Variants in GRIN2B observed in about 807,000 individuals in gnomAD.
The protein encoded by GRIN2B is glutamate receptor ionotropic, NMDA 2B.
In GRIN2B, 5 loss-of-function variants were observed where a neutral mutation model predicts 114.5. The observed-to-expected ratio is 0.04, with a 90% CI of 0.02 to 0.09. GRIN2B has a LOEUF of 0.09. GRIN2B is among the 10% of genes least tolerant of loss of function. The probability of loss-of-function intolerance (pLI) is 1.00; values close to 1 mark genes in which losing one functional copy is unlikely to be tolerated. For missense variants in GRIN2B, 1,108 were observed against 1,943.5 expected (o/e 0.57, Z 8.08); for synonymous variants, 787 against 745.1 (o/e 1.06, Z -0.92).
chr12:13,727,765 C>T (rs1269206940), intron 4 of GRIN2B, among the ~76,000 whole-genome samples: 2 of 152,240 alleles, frequency 1.3e-5, no homozygotes, highest in East Asian at 3.9e-4. Flanking sequence ...AGAGGGAAGG[C>T]TGTGAGTAAA....
intron 4 of GRIN2B, among the ~76,000 whole-genome samples, chr12:13,685,738 G>A (rs1341135646): frequency 6.6e-6 from 1 of 152,144 alleles, no homozygotes; most frequent in Non-Finnish European, 1.5e-5. Flanking sequence ...CTTTCACATA[G>A]GGAACGAAAT....
At chr12:13,850,796 C>T (rs965299739) in intron 3 of GRIN2B, among the ~76,000 whole-genome samples, 1 of 152,188 alleles carries the variant, frequency 6.6e-6, no homozygotes, top group East Asian at 1.9e-4. Context: ...GTGAAGCATA[C>T]TGGTGAAATC....
At chr12:13,946,809 G>T (rs961458917) in intron 2 of GRIN2B, among the ~76,000 whole-genome samples, 2 of 152,124 alleles carry the variant, frequency 1.3e-5, no homozygotes, top group African/African-American at 4.8e-5. Flanking sequence ...ATATAAAAAT[G>T]TATTATTAGG....
intron 2 of GRIN2B, among the ~76,000 whole-genome samples, chr12:13,893,724 A>G (rs1866307177): frequency 6.6e-6 from 1 of 152,134 alleles, no homozygotes; most frequent in Non-Finnish European, 1.5e-5. Flanking sequence ...TCTACTCAAA[A>G]GCACATAACT....
In GRIN2B at chr12:13,558,727, T is replaced by C. The variant is rs1320679771; in HGVS notation, c.*4056A>G. 6.6e-6 allele frequency: 1 copy of C among 152,248 alleles called. No individual in the cohort carries two copies. The highest frequency in any genetic ancestry group is 1.5e-5 in the Non-Finnish European group (1 of 68,052). The allele number at this position is 152,248 out of a possible 1,614,324, so 9.4% of individuals were successfully genotyped here. ...TCAATCACAACATGGCTGTGGCCAG[T>C]GCAGGGAAATACATATGAAGGATGT... On this transcript the variant is annotated 3_prime_UTR_variant, in exon 14 of 14. Transcript: ENST00000609686.
At chr12:13,757,697 A>G (rs1234030620) in intron 3 of GRIN2B, among the ~76,000 whole-genome samples, 1 of 152,178 alleles carries the variant, frequency 6.6e-6, no homozygotes, top group African/African-American at 2.4e-5. Context: ...ATTCCTATAT[A>G]AAGGGCCATC....
intron 3 of GRIN2B, among the ~76,000 whole-genome samples, chr12:13,796,207 G>A (rs1390428195): frequency 1.3e-5 from 2 of 152,082 alleles, no homozygotes; most frequent in Non-Finnish European, 2.9e-5. Context: ...AATGTAGAAG[G>A]TTTTTGGAGA....
At chr12:13,795,752 AT>A (rs1256475069) in intron 3 of GRIN2B, among the ~76,000 whole-genome samples, 1 of 152,244 alleles carries the variant, frequency 6.6e-6, no homozygotes, top group Non-Finnish European at 1.5e-5. Flanking sequence ...CTATGCAGTC[AT>A]AAAAAAGGAT....
intron 4 of GRIN2B, among the ~76,000 whole-genome samples, chr12:13,689,254 T>C (rs1269717394): frequency 6.6e-6 from 1 of 152,136 alleles, no homozygotes; most frequent in Admixed American, 6.6e-5. Flanking sequence ...GTGCCTGAAA[T>C]TGATTGGCTT....
At chr12:13,584,228 C>A (rs936226951) in intron 10 of GRIN2B, among the ~76,000 whole-genome samples, 11 of 152,172 alleles carry the variant, frequency 7.2e-5, no homozygotes, top group African/African-American at 2.4e-4. Flanking sequence ...CTCTTCTCTG[C>A]CCCAAAAGCC....
chr12:13,574,735 A>C (rs542218802), intron 10 of GRIN2B, among the ~76,000 whole-genome samples: 1 of 152,344 alleles, frequency 6.6e-6, no homozygotes, highest in East Asian at 1.9e-4. Flanking sequence ...TGTATCCCTG[A>C]ATAAATAAAA....
At chr12:13,607,214 T>TATATTATATATA in intron 10 of GRIN2B, among the ~76,000 whole-genome samples, 2 of 94,630 alleles carry the variant, frequency 2.1e-5, no homozygotes, top group Non-Finnish European at 3.8e-5. Context: ...ATATATAAAA[T>TATATTATATATA]ATATATAAAA....
chr12:13,948,096 G>A (rs1419575402), intron 2 of GRIN2B, among the ~76,000 whole-genome samples: 1 of 152,164 alleles, frequency 6.6e-6, no homozygotes, highest in East Asian at 1.9e-4. Context: ...CATTGGGGAA[G>A]GATAAGATGG....
At position 13,559,382 on chromosome 12, in the gene GRIN2B, G is replaced by A. The variant is rs1242664199; in HGVS notation, c.*3401C>T. 1 of 152,168 alleles carries A rather than the reference G, an allele frequency of 6.6e-6. No individual in the cohort carries two copies. Among genetic ancestry groups the A allele is most frequent in the African/African-American group, 2.4e-5 (1 of 41,440 alleles). 9.4% of individuals were successfully genotyped at this position (152,168 alleles called of 1,614,324 possible). A position where few individuals can be genotyped will look rare whatever the true frequency, so the allele number is the denominator to read the frequency against. The stretch of plus-strand genomic sequence containing the variant: ...AATGGATTTGGAAATTTTATCCTGT[G>A]ATAGAGGCTGCCAACCTCCACAAAG... On this transcript the variant is annotated 3_prime_UTR_variant, in exon 14 of 14. Transcript: ENST00000609686.
intron 4 of GRIN2B, among the ~76,000 whole-genome samples, chr12:13,730,229 T>C (rs150215895): frequency 1.1e-4 from 16 of 152,330 alleles, no homozygotes; most frequent in Non-Finnish European, 2.1e-4. Context: ...AAGAAATCCA[T>C]TCGTCTTCAA....
chr12:13,836,939 AAAC>A (rs1865279804), intron 3 of GRIN2B, among the ~76,000 whole-genome samples: 1 of 152,306 alleles, frequency 6.6e-6, no homozygotes, highest in South Asian at 2.1e-4. Flanking sequence ...TCTCTTAGCT[AAAC>A]AACAACAATA....
chr12:13,782,051 T>C (rs962873251), intron 3 of GRIN2B, among the ~76,000 whole-genome samples: 2 of 152,212 alleles, frequency 1.3e-5, no homozygotes, highest in African/African-American at 4.8e-5. Context: ...AGCTCTTCTG[T>C]GTCTGTAGAT....
intron 10 of GRIN2B, among the ~76,000 whole-genome samples, chr12:13,608,298 C>CAGAT (rs1949315470): frequency 6.6e-6 from 1 of 152,176 alleles, no homozygotes; most frequent in African/African-American, 2.4e-5. Flanking sequence ...CAGCCCTGTG[C>CAGAT]AGATAGGCCA....
chr12:13,967,806 G>C (rs1867813191), intron 2 of GRIN2B, among the ~76,000 whole-genome samples: 1 of 152,116 alleles, frequency 6.6e-6, no homozygotes, highest in Admixed American at 6.5e-5. Context: ...GAGGATCCCT[G>C]AGCTGAAACT....
Sources: gnomAD v4.1 joint callset for allele counts (sites outside exome capture counted in the v4.1 genomes callset) on GRCh38, gnomAD v4.1.1 for gene constraint, MANE v1.5 for transcripts, NCBI Gene and HGNC (gene_info 2026-07-23, HGNC 2026-07-21) for gene names.